Variants in ANKRD30A observed in about 807,000 individuals in gnomAD.
The protein encoded by ANKRD30A is ankyrin repeat domain 30A, also known as ankyrin repeat domain-containing protein 30A.
In ANKRD30A, 170 loss-of-function variants were observed where a neutral mutation model predicts 166.3. That is an observed-to-expected ratio of 1.02 (90% CI 0.90 to 1.16). ANKRD30A has a LOEUF of 1.16. Ranked by LOEUF, ANKRD30A falls within the 50% of genes most tolerant of loss-of-function variation. The pLI, the probability that ANKRD30A is intolerant of heterozygous loss-of-function variation, is 0.00. For missense variants in ANKRD30A, 1,630 were observed against 1,518.0 expected, an observed-to-expected ratio of 1.07 and a Z score of -1.23; for synonymous variants, 564 against 508.9, an observed-to-expected ratio of 1.11 and a Z score of -1.46.
chr10:37,264,281 G>GATTT, the ANKRD30A span, among the ~76,000 whole-genome samples: 1 of 152,166 alleles, frequency 6.6e-6, no homozygotes, highest in Non-Finnish European at 1.5e-5. Context: ...CTTAGAGAAA[G>GATTT]GCCAGCCATG....
downstream of ANKRD30A, among the ~76,000 whole-genome samples, chr10:37,234,913 G>C (rs1292446626): frequency 6.6e-6 from 1 of 152,082 alleles, no homozygotes; most frequent in Non-Finnish European, 1.5e-5. Flanking sequence ...TCACATGGTG[G>C]AACATTGTGT....
chr10:37,125,891 ACT>A lies in ANKRD30A; in HGVS notation c.107_108del (p.Ser36TrpfsTer4). On this transcript the variant is annotated frameshift_variant, in exon 1 of 36. Transcript: ENST00000361713. LOFTEE classifies it high-confidence loss of function. ...ACCAGCAACGACTCCTACATCGTCC[ACT>A]CTGGGGATCTTAGAAAGATCCATAA... 6.4e-7 allele frequency: 1 copy of A among 1,573,178 alleles called. No homozygotes were observed. Among genetic ancestry groups the A allele is most frequent in the South Asian group, 1.1e-5 (1 of 90,004 alleles).
the ANKRD30A span, among the ~76,000 whole-genome samples, chr10:37,237,929 G>A: frequency 6.6e-6 from 1 of 152,140 alleles, no homozygotes; most frequent in East Asian, 1.9e-4. Flanking sequence ...GAGAAAATGT[G>A]TGGATTTAAT....
In ANKRD30A at chr10:37,155,097, A is replaced by C. The variant is rs1190060489; in HGVS notation, c.1798+1435A>C. Among the ~76,000 whole-genome samples, 15 of 152,284 alleles carry C rather than the reference A, an allele frequency of 9.9e-5. No individual in the cohort carries two copies. The East Asian group carries it at 2.9e-3, about 29-fold the overall frequency. ...AACCAGACTAATTTTAAAAACCATA[A>C]AATTCTGAATTTATGACTTGAATAC... On this transcript the variant is annotated intron_variant, in intron 13 of 35. Transcript: ENST00000361713.
In ANKRD30A at chr10:37,125,935, C is replaced by G; in HGVS notation, c.148C>G (p.Gln50Glu). 1 of 1,611,942 alleles carries G rather than the reference C, an allele frequency of 6.2e-7. No individual in the cohort carries two copies. Among genetic ancestry groups the G allele is most frequent in the Non-Finnish European group, 8.5e-7 (1 of 1,179,826 alleles). ...GATCCATAAAGCTGCCTCCCGGGGA[C>G]AAGTCCGGAAGCTGGAGAAGATGAC... The part of the protein sequence containing the change: ...RKIHKAASRG[Q>E]VRKLEKMTKR... Residue 50 changes from glutamine (Q) to glutamate (E), a missense_variant, in exon 1 of 36, where the codon CAA becomes GAA. Coordinates refer to ENST00000361713, the MANE Select transcript of ANKRD30A (RefSeq NM_052997.3).
chr10:37,159,970 A>G (rs1312890377), intron 15 of ANKRD30A, among the ~76,000 whole-genome samples: 2 of 152,168 alleles, frequency 1.3e-5, no homozygotes, highest in Non-Finnish European at 2.9e-5. Flanking sequence ...AAGTACTGGA[A>G]TTACAGGCGT....
chr10:37,191,342 T>G (rs2132656471), intron 25 of ANKRD30A, among the ~76,000 whole-genome samples: 1 of 152,126 alleles, frequency 6.6e-6, no homozygotes, highest in Non-Finnish European at 1.5e-5. Context: ...TCATAACACT[T>G]TTTCTGATGA....
At chr10:37,232,654 T>TATATATATATATATATATATATATATATA (rs71007625), downstream of ANKRD30A, 2 of 54,214 alleles carry the variant, frequency 3.7e-5, no homozygotes, top group Non-Finnish European at 6.9e-5. Context: ...AGCATTGGTT[T>TATATATATATATATATATATATATATATA]TATATATATA....
At chr10:37,194,682 C>T (rs750037643) in intron 27 of ANKRD30A, among the ~76,000 whole-genome samples, 11 of 152,074 alleles carry the variant, frequency 7.2e-5, no homozygotes, top group Admixed American at 2.0e-4. Flanking sequence ...GTACACTGTA[C>T]GTATTGTCCT....
At chr10:37,257,982 G>T in the ANKRD30A span, among the ~76,000 whole-genome samples, 38 of 152,300 alleles carry the variant, frequency 2.5e-4, no homozygotes, top group Non-Finnish European at 4.4e-4. Context: ...GAGGGGAAGG[G>T]AAGGGAGAGG....
At chr10:37,159,722 T>C (rs974500058) in intron 15 of ANKRD30A, among the ~76,000 whole-genome samples, 1 of 152,066 alleles carries the variant, frequency 6.6e-6, no homozygotes, top group Non-Finnish European at 1.5e-5. Flanking sequence ...TTTGTTTTTG[T>C]TTTTTTGAGA....
At chr10:37,154,028 T>C (rs1838169500) in intron 13 of ANKRD30A, among the ~76,000 whole-genome samples, 1 of 152,204 alleles carries the variant, frequency 6.6e-6, no homozygotes, top group Non-Finnish European at 1.5e-5. Flanking sequence ...AATGAAATGA[T>C]TCTTTAGGAA....
Position 37,142,301 on chromosome 10 carries a change from A to G in ANKRD30A, c.1393+11A>G. 2.5e-6 allele frequency: 4 copies of G among 1,573,076 alleles called. No individual in the cohort carries two copies. Among genetic ancestry groups the G allele is most frequent in the South Asian group, 2.4e-5 (2 of 82,832 alleles). On this transcript the variant is annotated intron_variant, in intron 7 of 35. Coordinates refer to ENST00000361713, the MANE Select transcript of ANKRD30A (RefSeq NM_052997.3). ...AAGCAAGTGCCAATGGTAAGATGCT[A>G]GAGCGAACTTTGTAAGGTTTATTGG... is the stretch of plus-strand genomic sequence containing the variant.
rs538552925 is a variant in ANKRD30A at position 37,165,139 on chromosome 10, A to G, written c.2048A>G (p.Asn683Ser). ...SESKQKDYEE[N>S]SWDTESLCET... ...TCCAAACAAAAGGACTATGAAGAAAATTCTTGGGATACTGAGGTACTGTGT... is the reference window on the plus strand; with the variant it reads ...TCCAAACAAAAGGACTATGAAGAAAGTTCTTGGGATACTGAGGTACTGTGT... Residue 683 changes from asparagine (N) to serine (S), a missense_variant, in exon 18 of 36, where the codon AAT becomes AGT. Asn to Ser is a conservative substitution (Grantham distance 46). This residue lies in a region of ANKRD30A where 904 missense variants were observed against 818.5 expected (regional missense o/e 1.10). Coordinates refer to ENST00000361713, the MANE Select transcript of ANKRD30A (RefSeq NM_052997.3). 67 of 1,606,882 alleles carry G rather than the reference A, an allele frequency of 4.2e-5. No individual in the cohort carries two copies. In the African/African-American group the frequency reaches 5.1e-4, roughly 12 times the overall value.
At chr10:37,192,325 T>G (rs958707135) in intron 25 of ANKRD30A, among the ~76,000 whole-genome samples, 35 of 152,116 alleles carry the variant, frequency 2.3e-4, no homozygotes, top group Admixed American at 6.5e-5. Context: ...ATTACAGGCA[T>G]GAGCCACTGC....
chr10:37,235,733 C>T (rs1843641522), downstream of ANKRD30A, among the ~76,000 whole-genome samples: 1 of 142,082 alleles, frequency 7.0e-6, no homozygotes, highest in Non-Finnish European at 1.5e-5. Flanking sequence ...TTGGGCTTTA[C>T]TATTGTGATT....
intron 31 of ANKRD30A, among the ~76,000 whole-genome samples, chr10:37,204,306 C>A (rs1841843171): frequency 6.6e-6 from 1 of 150,620 alleles, no homozygotes; most frequent in Non-Finnish European, 1.5e-5. Flanking sequence ...ATGAATGGAA[C>A]AGAACCACAC....
chr10:37,200,346 G>A (rs1269106779), intron 30 of ANKRD30A, among the ~76,000 whole-genome samples: 2 of 152,030 alleles, frequency 1.3e-5, no homozygotes, highest in Non-Finnish European at 2.9e-5. Context: ...TATTGGTTGA[G>A]TAGTCTTTTG....
intron 31 of ANKRD30A, among the ~76,000 whole-genome samples, chr10:37,211,310 T>C (rs1220922718): frequency 6.6e-6 from 1 of 151,688 alleles, no homozygotes; most frequent in Non-Finnish European, 1.5e-5. Flanking sequence ...CAGGCCCTGG[T>C]GTGTGATGTT....
Sources: gnomAD v4.1 joint callset for allele counts (sites outside exome capture counted in the v4.1 genomes callset) on GRCh38, gnomAD v4.1.1 for gene constraint, gnomAD v4.1.1 regional missense constraint, MANE v1.5 for transcripts, NCBI Gene and HGNC (gene_info 2026-07-23, HGNC 2026-07-21) for gene names.